Variants in CNTNAP2 observed in about 807,000 individuals in gnomAD.
CNTNAP2 encodes contactin-associated protein-like 2.
In CNTNAP2, 98 loss-of-function variants were observed where a neutral mutation model predicts 155.2. The observed-to-expected ratio is 0.63, with a 90% CI of 0.54 to 0.75. CNTNAP2 has a LOEUF of 0.75. CNTNAP2 is among the 30% of genes least tolerant of loss of function. The pLI is 0.00. For synonymous variants in CNTNAP2, 651 were observed against 631.2 expected, an observed-to-expected ratio of 1.03 and a Z score of -0.47; for missense variants, 1,727 against 1,688.1, an observed-to-expected ratio of 1.02 and a Z score of -0.40.
chr7:147,200,671 T>G (rs189192415), intron 8 of CNTNAP2, among the ~76,000 whole-genome samples: 13 of 152,280 alleles, frequency 8.5e-5, no homozygotes, highest in Admixed American at 7.2e-4. Flanking sequence ...CAAAAGATGA[T>G]TAGTGTCTCT....
chr7:146,901,586 A>G (rs1053261839), intron 3 of CNTNAP2, among the ~76,000 whole-genome samples: 3 of 152,166 alleles, frequency 2.0e-5, no homozygotes, highest in African/African-American at 7.2e-5. Flanking sequence ...CTAAAATTTC[A>G]TCTCTGTTCT....
chr7:148,250,400 G>A (rs942261494), intron 20 of CNTNAP2, among the ~76,000 whole-genome samples: 3 of 152,088 alleles, frequency 2.0e-5, no homozygotes, highest in Non-Finnish European at 2.9e-5. Context: ...TAGGATTTGG[G>A]GCTTTTTGTT....
intron 1 of CNTNAP2, among the ~76,000 whole-genome samples, chr7:146,622,243 A>ATATCTATC (rs71165020): frequency 0.18 from 25,971 of 144,178 alleles, 2,731 homozygotes; most frequent in East Asian, 0.42. Context: ...ATGTGTGTGT[A>ATATCTATC]TATCTATCTA....
chr7:148,117,682 A>T (rs1331336299), intron 15 of CNTNAP2, among the ~76,000 whole-genome samples: 1 of 151,840 alleles, frequency 6.6e-6, no homozygotes, highest in African/African-American at 2.4e-5. Flanking sequence ...CCACAGAGTA[A>T]CCCCAGGGGC....
chr7:147,578,295 CT>C (rs1800434217), intron 12 of CNTNAP2, among the ~76,000 whole-genome samples: 1 of 152,040 alleles, frequency 6.6e-6, no homozygotes, highest in African/African-American at 2.4e-5. Flanking sequence ...CTGATATTTT[CT>C]TTTTCTTGTT....
At chr7:146,844,519 A>G (rs186066580) in intron 3 of CNTNAP2, among the ~76,000 whole-genome samples, 25 of 151,178 alleles carry the variant, frequency 1.7e-4, no homozygotes, top group African/African-American at 5.4e-4. Flanking sequence ...AGAGAGAGAG[A>G]GAGGAAGTAT....
At chr7:146,234,280 G>C (rs1446228299) in intron 1 of CNTNAP2, among the ~76,000 whole-genome samples, 1 of 152,174 alleles carries the variant, frequency 6.6e-6, no homozygotes. Flanking sequence ...AGAAGTATCT[G>C]TTCATGTCCT....
chr7:148,015,345 C>T (rs1802159558), intron 15 of CNTNAP2, among the ~76,000 whole-genome samples: 1 of 152,184 alleles, frequency 6.6e-6, no homozygotes, highest in Non-Finnish European at 1.5e-5. Flanking sequence ...TCCTAAGGTT[C>T]CTTTTGTGTC....
intron 8 of CNTNAP2, among the ~76,000 whole-genome samples, chr7:147,193,595 T>C (rs1159992211): frequency 6.6e-6 from 1 of 152,120 alleles, no homozygotes; most frequent in Non-Finnish European, 1.5e-5. Flanking sequence ...ACATGGAGAC[T>C]ATATGAGGTA....
chr7:147,477,360 G>C (rs535838918), intron 10 of CNTNAP2, among the ~76,000 whole-genome samples: 2 of 152,092 alleles, frequency 1.3e-5, no homozygotes, highest in Non-Finnish European at 2.9e-5. Flanking sequence ...AATATCTGAG[G>C]CATCTTAATT....
intron 15 of CNTNAP2, among the ~76,000 whole-genome samples, chr7:148,000,307 G>A (rs978757048): frequency 1.3e-5 from 2 of 152,160 alleles, no homozygotes; most frequent in Non-Finnish European, 1.5e-5. Flanking sequence ...CCTCCAGAGG[G>A]GAAGAAGCCT....
intron 9 of CNTNAP2, among the ~76,000 whole-genome samples, chr7:147,317,477 C>T (rs1795252779): frequency 6.6e-6 from 1 of 152,168 alleles, no homozygotes; most frequent in South Asian, 2.1e-4. Flanking sequence ...TCATGTTGGC[C>T]TTCCTTGAGC....
intron 20 of CNTNAP2, among the ~76,000 whole-genome samples, chr7:148,258,477 G>A (rs995469740): frequency 9.2e-5 from 14 of 152,124 alleles, no homozygotes; most frequent in Admixed American, 3.9e-4. Context: ...CTGCTTGTTC[G>A]TATTTTCAAT....
At chr7:148,085,636 A>G (rs1170347376) in intron 15 of CNTNAP2, among the ~76,000 whole-genome samples, 2 of 152,110 alleles carry the variant, frequency 1.3e-5, no homozygotes, top group Non-Finnish European at 2.9e-5. Context: ...TGAAATTTTG[A>G]CAATCTGAGA....
intron 23 of CNTNAP2, among the ~76,000 whole-genome samples, chr7:148,413,392 CAA>C (rs1184055556): frequency 6.1e-4 from 1 of 1,650 alleles, no homozygotes; most frequent in Admixed American, 6.4e-3. Context: ...AACTCCGTCT[CAA>C]AAAAAAAATA....
In CNTNAP2 at chr7:148,328,976, G is replaced by GAAAAAAAAAA. The variant is rs71188969; in HGVS notation, c.3476-54658_3476-54649dup. Reference sequence around the variant, plus strand: ...AAGCGACAGAGCAAGACTCTGTCTGGAAAAAAAAAAAAAAAAAAAAAAAAG... The same window carrying GAAAAAAAAAA: ...AAGCGACAGAGCAAGACTCTGTCTGGAAAAAAAAAAAAAAAAAAAAAAAAAAAAAAAAAAG... On this transcript the variant is annotated intron_variant, in intron 21 of 23. Coordinates refer to ENST00000361727, the MANE Select transcript of CNTNAP2 (RefSeq NM_014141.6). Among the ~76,000 whole-genome samples, 16 of 69,252 alleles carry GAAAAAAAAAA rather than the reference G, an allele frequency of 2.3e-4. 1 individual carries two copies. The highest frequency in any genetic ancestry group is 8.4e-4 in the African/African-American group (16 of 19,016). The allele number at this position is 69,252 out of a possible 152,430, so 45.4% of individuals were successfully genotyped here.
rs187046302 is a variant in CNTNAP2, at chr7:148,384,326, T to G, written c.3715+438T>G. On this transcript the variant is annotated intron_variant, in intron 22 of 23. Coordinates refer to ENST00000361727, the MANE Select transcript of CNTNAP2 (RefSeq NM_014141.6). ...TCTGTATTTATATGAATAATACTGG[T>G]GGCTTCCAGATCTTTAAGAGGTGCC... Among the ~76,000 whole-genome samples, 9 of 152,322 alleles carry G rather than the reference T, an allele frequency of 5.9e-5. No homozygotes were observed. The East Asian group carries it at 1.7e-3, about 29-fold the overall frequency.
chr7:147,629,262 G>A (rs1476181536), intron 12 of CNTNAP2, among the ~76,000 whole-genome samples: 1 of 151,946 alleles, frequency 6.6e-6, no homozygotes, highest in Non-Finnish European at 1.5e-5. Flanking sequence ...AATTAGCCAA[G>A]CAACGTGATG....
chr7:147,358,981 C>T (rs1196407836), intron 9 of CNTNAP2, among the ~76,000 whole-genome samples: 2 of 152,132 alleles, frequency 1.3e-5, no homozygotes, highest in Non-Finnish European at 2.9e-5. Flanking sequence ...ATTTTAAGAC[C>T]ATTAGGCACA....
Sources: gnomAD v4.1 joint callset for allele counts (sites outside exome capture counted in the v4.1 genomes callset) on GRCh38, gnomAD v4.1.1 for gene constraint, MANE v1.5 for transcripts, NCBI Gene and HGNC (gene_info 2026-07-23, HGNC 2026-07-21) for gene names.